PDXDC1: variants seen among roughly 807,000 people sequenced by gnomAD.
PDXDC1 encodes the protein pyridoxal dependent decarboxylase domain containing 1.
In PDXDC1, 42 loss-of-function variants were observed where a neutral mutation model predicts 100.1. The ratio of observed to expected loss-of-function variants is 0.42; its 90% CI spans 0.33 to 0.54. The LOEUF (loss-of-function observed/expected upper bound fraction) is 0.54. Among genes scored for constraint, PDXDC1 ranks in the 20% least tolerant of loss-of-function variants. The pLI is 0.10. For synonymous variants in PDXDC1, 260 were observed against 371.7 expected (o/e 0.70, Z 3.46); for missense variants, 636 against 979.2 (o/e 0.65, Z 4.68).
At position 15,035,469 on chromosome 16, in the gene PDXDC1, C is replaced by T. The variant is rs774174955; in HGVS notation, c.2023C>T (p.Pro675Ser). The change falls in exon 22 of 23, where the codon CCC becomes TCC. Residue 675 changes from proline to serine, a missense_variant. Around this residue, in one of 4 missense-constraint regions of PDXDC1, gnomAD observed 452 missense variants for 402.9 expected, o/e 1.12. Transcript: ENST00000396410. ...LTAGSLESTE[P>S]IYVYKAQGAG... Reference sequence around the variant, plus strand: ...CGCAGGCTCTCTGGAGTCCACAGAACCCATATATGTCTACAAAGCACAAGG... The same window carrying T: ...CGCAGGCTCTCTGGAGTCCACAGAATCCATATATGTCTACAAAGCACAAGG... 1.7e-5 allele frequency: 27 copies of T among 1,610,136 alleles called. No homozygotes were observed. Among genetic ancestry groups the T allele is most frequent in the Non-Finnish European group, 2.2e-5 (26 of 1,178,286 alleles).
At chr16:15,091,754 G>A (rs138520985) in intron 16 of PDXDC1, among the ~76,000 whole-genome samples, 16 of 152,280 alleles carry the variant, frequency 1.1e-4, no homozygotes, top group Admixed American at 9.8e-4. Context: ...TAAACATATG[G>A]TTACTTAACA....
At chr16:15,024,862 T>TA (rs1237426693) in intron 13 of PDXDC1, among the ~76,000 whole-genome samples, 1 of 152,298 alleles carries the variant, frequency 6.6e-6, no homozygotes, top group Non-Finnish European at 1.5e-5. Context: ...TCATCACTCT[T>TA]ACTACTATCT....
intron 16 of PDXDC1, among the ~76,000 whole-genome samples, chr16:15,066,977 T>C (rs2045007804): frequency 6.6e-6 from 1 of 151,614 alleles, no homozygotes; most frequent in South Asian, 2.1e-4. Context: ...CCCGAGAACA[T>C]ACCAGGGGCA....
chr16:15,124,966 C>A (rs867943555), intron 16 of PDXDC1, among the ~76,000 whole-genome samples: 104 of 142,188 alleles, frequency 7.3e-4, no homozygotes, highest in South Asian at 2.3e-3. Flanking sequence ...CACCAACATG[C>A]TGAAACCCCG....
intron 16 of PDXDC1, chr16:15,132,665 G>A (rs1401895079): frequency 2.8e-6 from 2 of 722,726 alleles, no homozygotes; most frequent in Non-Finnish European, 2.4e-6. Context: ...CTGGGGGGCT[G>A]AACCCAGTAC....
Position 15,036,370 on chromosome 16 carries a change from T to C in PDXDC1, c.*95T>C. On this transcript the variant is annotated 3_prime_UTR_variant, in exon 23 of 23. Coordinates refer to ENST00000396410, the MANE Select transcript of PDXDC1 (RefSeq NM_015027.4). Reference sequence around the variant, plus strand: ...AACTGTGCCACATACTAATATAAATTACTGTTGTTTGTGCTTCACTGGGAT... The same window carrying C: ...AACTGTGCCACATACTAATATAAATCACTGTTGTTTGTGCTTCACTGGGAT... 1 of 1,209,648 alleles carries C rather than the reference T, an allele frequency of 8.3e-7. No homozygotes were observed. The highest frequency in any genetic ancestry group is 1.5e-5 in the South Asian group (1 of 67,964). The allele number at this position is 1,209,648 out of a possible 1,614,324, so 74.9% of individuals were successfully genotyped here. A position where few individuals can be genotyped will look rare whatever the true frequency, so the allele number is the denominator to read the frequency against.
At chr16:15,103,444 T>G (rs2151852661) in intron 16 of PDXDC1, 1 of 633,000 alleles carries the variant, frequency 1.6e-6, no homozygotes, top group East Asian at 2.7e-5. Context: ...CCTGTGGCAA[T>G]AACCACTGCT....
intron 16 of PDXDC1, among the ~76,000 whole-genome samples, chr16:15,049,462 T>C (rs2044213840): frequency 6.6e-6 from 1 of 151,816 alleles, no homozygotes; most frequent in South Asian, 2.1e-4. Context: ...AGAGTCTCGC[T>C]CTGTTGCCCA....
downstream of PDXDC1, among the ~76,000 whole-genome samples, chr16:15,143,666 G>A (rs185878731): frequency 2.0e-4 from 30 of 152,340 alleles, no homozygotes; most frequent in Admixed American, 1.4e-3. Context: ...CTCCTGGGCC[G>A]GGGGAGCCGG....
chr16:15,090,387 T>C (rs2046084108), intron 16 of PDXDC1, among the ~76,000 whole-genome samples: 1 of 152,200 alleles, frequency 6.6e-6, no homozygotes, highest in Admixed American at 6.5e-5. Context: ...TCAGAGACTG[T>C]TCTAAGTGCT....
chr16:15,034,032 C>G (rs564279285), intron 19 of PDXDC1: 2 of 570,920 alleles, frequency 3.5e-6, no homozygotes, highest in East Asian at 5.7e-5. Flanking sequence ...AGGTTTCTTT[C>G]CAGCCTGACT....
intron 1 of PDXDC1, among the ~76,000 whole-genome samples, chr16:14,987,732 C>T (rs1471132337): frequency 6.6e-6 from 1 of 152,298 alleles, no homozygotes; most frequent in African/African-American, 2.4e-5. Flanking sequence ...CTGCCTCAGT[C>T]TCCCGAATAG....
chr16:14,983,758 C>G (rs1254134663), intron 1 of PDXDC1, among the ~76,000 whole-genome samples: 1 of 152,264 alleles, frequency 6.6e-6, no homozygotes, highest in African/African-American at 2.4e-5. Context: ...ATTTACTCCC[C>G]CTTTATGAAA....
chr16:15,041,416 C>T (rs565231910), downstream of PDXDC1, among the ~76,000 whole-genome samples: 1 of 152,074 alleles, frequency 6.6e-6, no homozygotes, highest in East Asian at 1.9e-4. Flanking sequence ...TCCTGGTAGA[C>T]GAGGGGGCTG....
chr16:15,140,095 C>CAAA (rs372891971), downstream of PDXDC1, among the ~76,000 whole-genome samples: 14,191 of 43,694 alleles, frequency 0.32, 3,647 homozygotes, highest in Non-Finnish European at 0.39. Flanking sequence ...GACTCCATCT[C>CAAA]AAAAAAAAAA....
At chr16:15,131,593 A>C (rs2048064228) in intron 16 of PDXDC1, 1 of 1,603,736 alleles carries the variant, frequency 6.2e-7, no homozygotes, top group Non-Finnish European at 8.5e-7. Flanking sequence ...GATGCGCATG[A>C]GGGCAGAGGT....
intron 1 of PDXDC1, among the ~76,000 whole-genome samples, chr16:14,995,897 C>T (rs1328711539): frequency 6.6e-6 from 1 of 152,276 alleles, no homozygotes; most frequent in Non-Finnish European, 1.5e-5. Context: ...GGAATGTATC[C>T]ATTTCTTCTA....
intron 11 of PDXDC1, among the ~76,000 whole-genome samples, chr16:15,018,136 C>G (rs1353969817): frequency 6.6e-6 from 1 of 151,068 alleles, no homozygotes; most frequent in African/African-American, 2.4e-5. Context: ...CATGGTGGCT[C>G]ATGCCTGTAA....
At chr16:15,041,705 CAGA>C, downstream of PDXDC1, 2 of 1,551,904 alleles carry the variant, frequency 1.3e-6, no homozygotes, top group Non-Finnish European at 1.8e-6. Flanking sequence ...GACCAGAAGT[CAGA>C]AAAGTTCCTC....
Sources: allele counts gnomAD v4.1 joint callset (sites outside exome capture counted in the v4.1 genomes callset), GRCh38; gene constraint gnomAD v4.1.1; regional missense constraint gnomAD v4.1.1; transcripts MANE v1.5; gene names NCBI Gene and HGNC (gene_info 2026-07-23, HGNC 2026-07-21).